DAPK1: variants seen among roughly 807,000 people sequenced by gnomAD.
DAPK1 encodes the protein death associated protein kinase 1.
Under a neutral mutation model 144.9 loss-of-function variants are expected in DAPK1, and 56 were observed. The ratio of observed to expected loss-of-function variants is 0.39; its 90% CI spans 0.31 to 0.48. The LOEUF is 0.48. Among genes scored for constraint, DAPK1 ranks in the 20% least tolerant of loss-of-function variants. The pLI is 0.95. For missense variants in DAPK1, 1,454 were observed against 1,875.4 expected (o/e 0.78, Z 4.15); for synonymous variants, 690 against 749.0 (o/e 0.92, Z 1.29).
chr9:87,530,255 G>A (rs10868614), intron 2 of DAPK1, among the ~76,000 whole-genome samples: 68,191 of 152,018 alleles, frequency 0.45, 15,568 homozygotes, highest in South Asian at 0.58. Flanking sequence ...TGATTTGGTC[G>A]TCAGAAGTCC....
intron 2 of DAPK1, among the ~76,000 whole-genome samples, chr9:87,560,028 G>A (rs58492712): frequency 0.096 from 14,213 of 147,714 alleles, 2,178 homozygotes; most frequent in African/African-American, 0.33. Context: ...TTTTTGAGAC[G>A]GAGTCTTGCT....
intron 2 of DAPK1, among the ~76,000 whole-genome samples, chr9:87,585,059 G>A (rs1309733027): frequency 6.6e-6 from 1 of 152,130 alleles, no homozygotes; most frequent in Non-Finnish European, 1.5e-5. Flanking sequence ...TTGGAGTTGA[G>A]TACCATGTAT....
chr9:87,652,975 C>T (rs1830507525), intron 17 of DAPK1, among the ~76,000 whole-genome samples: 2 of 139,196 alleles, frequency 1.4e-5, no homozygotes, highest in African/African-American at 5.2e-5. Context: ...ATCCCAGGTC[C>T]TGATTCTGTG....
intron 22 of DAPK1, 30 bp from the exon 23 acceptor site, chr9:87,698,626 C>T: frequency 6.5e-7 from 1 of 1,537,200 alleles, no homozygotes; most frequent in Non-Finnish European, 9.0e-7. Context: ...GAGGACCCAC[C>T]CCCTGAAGCA....
chr9:87,498,105 CG>C lies in DAPK1; in HGVS notation c.-109+1del, dbSNP rs1564110303. 5.0e-6 allele frequency: 2 copies of C among 397,512 alleles called. No homozygotes were observed. Among genetic ancestry groups the C allele is most frequent in the Non-Finnish European group, 8.9e-6 (2 of 225,636 alleles). The allele number at this position is 397,512 out of a possible 1,614,324, so 24.6% of individuals were successfully genotyped here. On this transcript the variant is annotated splice_region_variant and 5_prime_UTR_variant, in exon 1 of 26. The change abolishes the stop of an existing upstream ORF in the 5' untranslated region. Coordinates refer to ENST00000408954, the MANE Select transcript of DAPK1 (RefSeq NM_004938.4). Reference sequence around the variant, plus strand: ...GGGACCGGGGGAGCTCCCAGGCGCCCGGGTGAGTAGCCAGGCGCGGCTCCCC... The same window carrying C: ...GGGACCGGGGGAGCTCCCAGGCGCCCGGTGAGTAGCCAGGCGCGGCTCCCC...
At chr9:87,540,073 T>C (rs1825990901) in intron 2 of DAPK1, among the ~76,000 whole-genome samples, 1 of 152,072 alleles carries the variant, frequency 6.6e-6, no homozygotes, top group South Asian at 2.1e-4. Context: ...GTTGCGAAGA[T>C]ATGTGGTAGA....
chr9:87,538,738 C>CA (rs2118443187), intron 2 of DAPK1, among the ~76,000 whole-genome samples: 1 of 152,198 alleles, frequency 6.6e-6, no homozygotes, highest in South Asian at 2.1e-4. Context: ...AACAAAACCT[C>CA]ATCTGCTTGA....
chr9:87,628,889 T>C (rs1442782793), intron 3 of DAPK1, among the ~76,000 whole-genome samples: 1 of 152,246 alleles, frequency 6.6e-6, no homozygotes, highest in African/African-American at 2.4e-5. Flanking sequence ...AATGCAAGGC[T>C]AAGAAAACAC....
chr9:87,521,958 A>G (rs1825312858), intron 2 of DAPK1, among the ~76,000 whole-genome samples: 1 of 152,212 alleles, frequency 6.6e-6, no homozygotes, highest in South Asian at 2.1e-4. Flanking sequence ...TATAAGAGGA[A>G]GAGAGGCCCA....
At position 87,706,736 on chromosome 9, in the gene DAPK1, T is replaced by A. The variant is rs1825655244; in HGVS notation, c.3665T>A (p.Val1222Asp). 6.2e-7 allele frequency: 1 copy of A among 1,613,148 alleles called. No homozygotes were observed. Residue 1222 changes from valine to aspartate, a missense_variant, in exon 26 of 26, where the codon GTC becomes GAC. This residue lies in a region of DAPK1 where 1,025 missense variants were observed against 1,237.9 expected (regional missense o/e 0.83). Transcript: ENST00000408954. This position sits in a 1 kb window ranked among gnomAD's most constrained non-coding sequence, Gnocchi z 9.0. ...LDSVCSTIENVMATTLPGLLT... is the reference protein window; with the variant it reads ...LDSVCSTIENDMATTLPGLLT... Reference sequence around the variant, plus strand: ...TCGGTGTGCAGCACCATTGAGAACGTCATGGCCACCACGCTGCCAGGGCTC... The same window carrying A: ...TCGGTGTGCAGCACCATTGAGAACGACATGGCCACCACGCTGCCAGGGCTC...
In DAPK1 at chr9:87,572,914, T is replaced by C. The variant is rs36203855; in HGVS notation, c.63-32040T>C. On this transcript the variant is annotated intron_variant, in intron 2 of 25. Coordinates refer to ENST00000408954, the MANE Select transcript of DAPK1 (RefSeq NM_004938.4). Reference sequence around the variant, plus strand: ...CCCATGCTGCGGCCCACAGAATGCATTGGGTGGTGAGGTTCTAAGCTAGAT... The same window carrying C: ...CCCATGCTGCGGCCCACAGAATGCACTGGGTGGTGAGGTTCTAAGCTAGAT... 6.9e-3 allele frequency among the ~76,000 whole-genome samples: 1,057 copies of C among 152,202 alleles called. 14 individuals carry two copies. The highest frequency in any genetic ancestry group is 0.024 in the African/African-American group (1,010 of 41,530).
At chr9:87,576,718 C>T (rs369755437) in intron 2 of DAPK1, among the ~76,000 whole-genome samples, 4 of 152,246 alleles carry the variant, frequency 2.6e-5, no homozygotes, top group East Asian at 3.9e-4. Context: ...CCACTGCACC[C>T]GGCCAATTTT....
chr9:87,702,045 TG>T (rs1373973445), intron 24 of DAPK1: 1 of 288,168 alleles, frequency 3.5e-6, no homozygotes, highest in African/African-American at 2.2e-5. Flanking sequence ...GGAGTGTCCC[TG>T]GAGATTTTTG....
At chr9:87,559,528 G>A (rs1330224837) in intron 2 of DAPK1, among the ~76,000 whole-genome samples, 1 of 152,150 alleles carries the variant, frequency 6.6e-6, no homozygotes, top group Non-Finnish European at 1.5e-5. Flanking sequence ...CTAGCACCGT[G>A]ACTAGTAGCT....
chr9:87,675,836 T>TA lies in DAPK1; in HGVS notation c.2002-5567dup, dbSNP rs561368602. Among the ~76,000 whole-genome samples, 620 of 108,998 alleles carry TA rather than the reference T, an allele frequency of 5.7e-3. 2 individuals are homozygous for TA. The highest frequency in any genetic ancestry group is 8.5e-3 in the Non-Finnish European group (481 of 56,700). The allele number at this position is 108,998 out of a possible 152,430, so 71.5% of individuals were successfully genotyped here. ...TGTGATTAGAGCTAATACAGGTAAA[T>TA]ACATTCTACCCTACACACACACACA... is the stretch of plus-strand genomic sequence containing the variant. On this transcript the variant is annotated intron_variant, in intron 19 of 25. Transcript: ENST00000408954.
rs760156331 is a variant in DAPK1 at position 87,605,151 on chromosome 9, C to T, written c.260C>T (p.Thr87Met). The change falls in exon 3 of 26, where the codon ACG becomes ATG. Residue 87 changes from threonine (T) to methionine (M), a missense_variant. Thr to Met is a moderately conservative substitution (Grantham distance 81, BLOSUM62 -1). This residue lies in a region of DAPK1 where 429 missense variants were observed against 637.5 expected (regional missense o/e 0.67). Coordinates refer to ENST00000408954, the MANE Select transcript of DAPK1 (RefSeq NM_004938.4). ...CTGCACGAGGTCTATGAGAACAAGA[C>T]GGACGTCATCCTGATCTTGGAACTG... The part of the protein sequence containing the change: ...ITLHEVYENK[T>M]DVILILELVA... 7 of 1,613,882 alleles carry T rather than the reference C, an allele frequency of 4.3e-6. No homozygotes were observed. Among genetic ancestry groups the T allele is most frequent in the East Asian group, 4.5e-5 (2 of 44,890 alleles).
At chr9:87,640,186 C>G in intron 7 of DAPK1, 112 bp from the exon 8 acceptor site, 2 of 1,074,360 alleles carry the variant, frequency 1.9e-6, no homozygotes, top group Non-Finnish European at 2.7e-6. Flanking sequence ...CAAACTGTGA[C>G]TATTCGAGCA....
intron 20 of DAPK1, among the ~76,000 whole-genome samples, chr9:87,681,906 AT>A (rs1178953289): frequency 6.6e-6 from 1 of 152,216 alleles, no homozygotes; most frequent in Non-Finnish European, 1.5e-5. Flanking sequence ...AAACTGCAGA[AT>A]TTGCACAGTC....
chr9:87,576,180 ACACACATGCG>A (rs1403721122), intron 2 of DAPK1, among the ~76,000 whole-genome samples: 1 of 152,210 alleles, frequency 6.6e-6, no homozygotes, highest in Non-Finnish European at 1.5e-5. Flanking sequence ...ACACGCATGC[ACACACATGCG>A]TACACACGTA....
Sources: allele counts gnomAD v4.1 joint callset (sites outside exome capture counted in the v4.1 genomes callset), GRCh38; gene constraint gnomAD v4.1.1; regional missense constraint gnomAD v4.1.1; non-coding constraint Gnocchi (gnomAD v3.1); transcripts MANE v1.5; gene names NCBI Gene and HGNC (gene_info 2026-07-23, HGNC 2026-07-21).